Variants in UBXN8 observed in about 807,000 individuals in gnomAD.
UBXN8 encodes UBX domain-containing protein 8.
In UBXN8, 27 loss-of-function variants were observed where a neutral mutation model predicts 32.1. That is an observed-to-expected ratio of 0.84 (90% CI 0.62 to 1.16). The LOEUF is 1.16. Ranked by LOEUF, UBXN8 falls within the 50% of genes most tolerant of loss-of-function variation. The probability of loss-of-function intolerance (pLI) is 0.00; values close to 1 mark genes in which losing one functional copy is unlikely to be tolerated. For synonymous variants in UBXN8, 109 were observed against 111.8 expected (o/e 0.98, Z 0.16); for missense variants, 306 against 311.4 (o/e 0.98, Z 0.13).
At chr8:30,752,937 T>A in intron 2 of UBXN8, 98 bp from the exon 3 acceptor site, 2 of 1,352,200 alleles carry the variant, frequency 1.5e-6, no homozygotes, top group Non-Finnish European at 1.9e-6. Context: ...ATCATAGACT[T>A]TAGATTTTTT....
At chr8:30,733,555 G>A (rs1016943664) in intron 1 of UBXN8, among the ~76,000 whole-genome samples, 2 of 152,140 alleles carry the variant, frequency 1.3e-5, no homozygotes, top group Non-Finnish European at 1.5e-5. Flanking sequence ...TTAGAGGCTC[G>A]AAAAGCAGCA....
intron 1 of UBXN8, among the ~76,000 whole-genome samples, chr8:30,737,839 C>T (rs1805101533): frequency 6.6e-6 from 1 of 152,076 alleles, no homozygotes; most frequent in African/African-American, 2.4e-5. Flanking sequence ...CACGATTGGA[C>T]CCTGTTAAAA....
intron 1 of UBXN8, among the ~76,000 whole-genome samples, chr8:30,734,888 A>G (rs1042106599): frequency 6.6e-6 from 1 of 152,166 alleles, no homozygotes; most frequent in Non-Finnish European, 1.5e-5. Context: ...GGCTGTGGTG[A>G]AATGTGATCA....
chr8:30,757,854 C>G (rs544429805), intron 5 of UBXN8, among the ~76,000 whole-genome samples: 12 of 143,216 alleles, frequency 8.4e-5, no homozygotes, highest in Non-Finnish European at 1.7e-4. Context: ...AGTGAGACTC[C>G]GTCTCAAAAA....
chr8:30,747,902 T>C lies in UBXN8; in HGVS notation c.89-3494T>C, dbSNP rs1388779707. On this transcript the variant is annotated intron_variant, in intron 1 of 7. Coordinates refer to ENST00000265616, the MANE Select transcript of UBXN8 (RefSeq NM_005671.4). The stretch of plus-strand genomic sequence containing the variant: ...TTTAATATATATTTTTTCTTTTTTT[T>C]TTTTTTTTTTTTTTTTGCTACCTTT... 2.3e-4 allele frequency among the ~76,000 whole-genome samples: 26 copies of C among 114,360 alleles called. 4 individuals are homozygous for C. Among genetic ancestry groups the C allele is most frequent in the East Asian group, 4.3e-4 (2 of 4,602 alleles). The allele number at this position is 114,360 out of a possible 152,430, so 75.0% of individuals were successfully genotyped here.
At chr8:30,762,888 T>A (rs2956008) in intron 6 of UBXN8, among the ~76,000 whole-genome samples, 149,057 of 152,122 alleles carry the variant, frequency 0.98, 73,102 homozygotes, top group Middle Eastern at 1. Flanking sequence ...TTTTTTTTTT[T>A]AAACAGAGTC....
At chr8:30,732,374 C>T (rs1052206635), upstream of UBXN8, 39 of 395,680 alleles carry the variant, frequency 9.9e-5, no homozygotes, top group Admixed American at 1.3e-4. Flanking sequence ...ACAGCAGGTA[C>T]GTTACTTGGG....
chr8:30,740,298 T>C (rs955012445), upstream of UBXN8, among the ~76,000 whole-genome samples: 1 of 150,486 alleles, frequency 6.6e-6, no homozygotes, highest in Admixed American at 6.7e-5. Context: ...TTTAATGATA[T>C]GCACGATGAA....
intron 5 of UBXN8, among the ~76,000 whole-genome samples, chr8:30,757,897 G>GT (rs1186469133): frequency 1.4e-5 from 2 of 147,006 alleles, no homozygotes; most frequent in Non-Finnish European, 3.0e-5. Context: ...TTTTTTCTTT[G>GT]TTTTTTTGAG....
upstream of UBXN8, chr8:30,744,103 C>A: frequency 7.6e-7 from 1 of 1,312,906 alleles, no homozygotes; most frequent in Non-Finnish European, 1.1e-6. Flanking sequence ...TCCCAGCCGG[C>A]CCGCGGCAAG....
At chr8:30,763,162 A>G in intron 6 of UBXN8, 111 bp from the exon 7 acceptor site, 1 of 1,049,272 alleles carries the variant, frequency 9.5e-7, no homozygotes, top group Non-Finnish European at 1.4e-6. Context: ...GTCTTTTAAT[A>G]ATTAGCAAAG....
At chr8:30,744,483 A>G in intron 1 of UBXN8, 1 of 609,890 alleles carries the variant, frequency 1.6e-6, no homozygotes, top group Non-Finnish European at 2.9e-6. Context: ...TACGTGTAAG[A>G]GGGTAGAGGC....
chr8:30,766,306 T>C lies in UBXN8; in HGVS notation c.725T>C (p.Leu242Pro). Residue 242 changes from leucine (L) to proline (P), a missense_variant, in exon 8 of 8, where the codon CTG becomes CCG. Transcript: ENST00000265616. ...TCTACTTCCTTTCCCAGACGGCCTCTGGCAGTGGAGGGAGGCCAGTCGCTG... is the reference window on the plus strand; with the variant it reads ...TCTACTTCCTTTCCCAGACGGCCTCCGGCAGTGGAGGGAGGCCAGTCGCTG... Reference protein sequence around the residue: ...SLSTSFPRRPLAVEGGQSLED... With the variant: ...SLSTSFPRRPPAVEGGQSLED... 6.2e-7 allele frequency: 1 copy of C among 1,613,926 alleles called. No homozygotes were observed. Among genetic ancestry groups the C allele is most frequent in the Non-Finnish European group, 8.5e-7 (1 of 1,179,828 alleles).
intron 1 of UBXN8, among the ~76,000 whole-genome samples, chr8:30,750,880 G>A (rs560935692): frequency 1.3e-5 from 2 of 151,920 alleles, no homozygotes; most frequent in African/African-American, 2.4e-5. Context: ...TGTCTGTCCC[G>A]AACATCTACA....
chr8:30,763,380 C>T (rs1563566962), intron 7 of UBXN8, 33 bp downstream of exon 7: 2 of 1,600,472 alleles, frequency 1.2e-6, no homozygotes, highest in South Asian at 2.2e-5. Flanking sequence ...TGAGAAATAT[C>T]TTTGTTGAAT....
At position 30,766,349 on chromosome 8, in the gene UBXN8, T is replaced by A; in HGVS notation, c.768T>A (p.Thr256=). The A allele has an allele frequency of 6.2e-7, 1 of 1,613,280 alleles. No individual in the cohort carries two copies. Among genetic ancestry groups the A allele is most frequent in the Non-Finnish European group, 8.5e-7 (1 of 1,179,552 alleles). Residue 256 remains threonine (T), a synonymous_variant, in exon 8 of 8, where the codon ACT becomes ACA. Coordinates refer to ENST00000265616, the MANE Select transcript of UBXN8 (RefSeq NM_005671.4). ...AGTCGCTGGAGGACATAGGAATAAC[T>A]GTGGACACTGTACTCATCCTGGAGG... ...GGQSLEDIGI[T]VDTVLILEEK... is the part of the protein sequence containing the mutation.
chr8:30,756,829 A>C lies in UBXN8; in HGVS notation c.470A>C (p.Asn157Thr). 1 of 1,614,038 alleles carries C rather than the reference A, an allele frequency of 6.2e-7. No homozygotes were observed. The highest frequency in any genetic ancestry group is 8.5e-7 in the Non-Finnish European group (1 of 1,179,906). The change falls in exon 5 of 8, where the codon AAC (asparagine) becomes ACC (threonine). Residue 157 changes from asparagine to threonine, a missense_variant. Asn to Thr is a moderately conservative substitution (Grantham distance 65). Transcript: ENST00000265616. Reference sequence around the variant, plus strand: ...AACAGAGAAGCAGCAAAGAGCCAGAACTTGCCTAAACCTTTAACTGAATTT... The same window carrying C: ...AACAGAGAAGCAGCAAAGAGCCAGACCTTGCCTAAACCTTTAACTGAATTT... ...TSNREAAKSQ[N>T]LPKPLTEFPS...
At chr8:30,741,056 A>C (rs1805187948), upstream of UBXN8, among the ~76,000 whole-genome samples, 2 of 152,120 alleles carry the variant, frequency 1.3e-5, no homozygotes, top group African/African-American at 2.4e-5. Flanking sequence ...ACCATGAACT[A>C]TGTCCAATCC....
upstream of UBXN8, among the ~76,000 whole-genome samples, chr8:30,729,212 G>C (rs1220736044): frequency 2.0e-5 from 3 of 152,230 alleles, no homozygotes; most frequent in African/African-American, 7.2e-5. Context: ...GATCCTGCGA[G>C]CGCTCCTGGG....
Sources: allele counts gnomAD v4.1 joint callset (sites outside exome capture counted in the v4.1 genomes callset), GRCh38; gene constraint gnomAD v4.1.1; transcripts MANE v1.5; gene names NCBI Gene and HGNC (gene_info 2026-07-23, HGNC 2026-07-21).